Variants in HVCN1 observed in about 807,000 individuals in gnomAD.
HVCN1 encodes voltage-gated hydrogen channel 1.
A neutral mutation model predicts 29.2 loss-of-function variants in HVCN1; 14 were observed. The ratio of observed to expected loss-of-function variants is 0.48; its 90% CI spans 0.32 to 0.75. The LOEUF (loss-of-function observed/expected upper bound fraction) is 0.75. Ranked by LOEUF, HVCN1 falls within the 30% of genes least tolerant of loss-of-function variation. The pLI is 0.04. For missense variants in HVCN1, 263 were observed against 341.8 expected, an observed-to-expected ratio of 0.77 and a Z score of 1.82; for synonymous variants, 131 against 133.2, an observed-to-expected ratio of 0.98 and a Z score of 0.11.
At chr12:110,687,267 C>T (rs536140606) in intron 2 of HVCN1, among the ~76,000 whole-genome samples, 1 of 150,436 alleles carries the variant, frequency 6.6e-6, no homozygotes, top group Non-Finnish European at 1.5e-5. Flanking sequence ...ACCCCCCCCC[C>T]CCAGCTAAGC....
At chr12:110,660,800 G>A (rs575843579) in intron 4 of HVCN1, among the ~76,000 whole-genome samples, 21 of 152,306 alleles carry the variant, frequency 1.4e-4, no homozygotes, top group African/African-American at 5.1e-4. Flanking sequence ...GGCCTTTTGT[G>A]TCTGGCTTCT....
chr12:110,663,412 C>T (rs112840554), intron 3 of HVCN1, among the ~76,000 whole-genome samples: 3,140 of 151,258 alleles, frequency 0.021, 56 homozygotes, highest in Non-Finnish European at 0.034. Flanking sequence ...GACCAGCCTG[C>T]GCAATAAGGC....
At chr12:110,697,826 A>C (rs944185202) in intron 2 of HVCN1, among the ~76,000 whole-genome samples, 1 of 151,792 alleles carries the variant, frequency 6.6e-6, no homozygotes, top group Admixed American at 6.6e-5. Flanking sequence ...TAATTTTTGT[A>C]TTTTTAGTAG....
chr12:110,659,035 T>C (rs1193134430), intron 4 of HVCN1, among the ~76,000 whole-genome samples: 1 of 152,166 alleles, frequency 6.6e-6, no homozygotes, highest in Non-Finnish European at 1.5e-5. Context: ...AAATTGAGGG[T>C]TTGGGATTTC....
At chr12:110,702,901 G>A (rs1443849075) in intron 1 of HVCN1, among the ~76,000 whole-genome samples, 1 of 152,036 alleles carries the variant, frequency 6.6e-6, no homozygotes, top group Non-Finnish European at 1.5e-5. Context: ...TGATCTGCCC[G>A]CCTCGGCCTC....
intron 4 of HVCN1, among the ~76,000 whole-genome samples, chr12:110,655,705 GTT>G (rs150136698): frequency 1.5e-5 from 2 of 136,356 alleles, no homozygotes; most frequent in Admixed American, 7.4e-5. Flanking sequence ...CAAATAATCA[GTT>G]TTTTTTTTTT....
At chr12:110,702,736 C>A (rs907179774) in intron 1 of HVCN1, among the ~76,000 whole-genome samples, 1 of 151,834 alleles carries the variant, frequency 6.6e-6, no homozygotes, top group Non-Finnish European at 1.5e-5. Flanking sequence ...CTCACTGCAA[C>A]CTCCACCTCC....
At position 110,689,104 on chromosome 12, in the gene HVCN1, A is replaced by G. The variant is rs1411874929; in HGVS notation, c.-128T>C. The G allele has an allele frequency of 6.7e-6, 1 of 149,032 alleles. No homozygotes were observed. Among genetic ancestry groups the G allele is most frequent in the East Asian group, 2.0e-4 (1 of 5,040 alleles). The allele number at this position is 149,032 out of a possible 1,614,324, so 9.2% of individuals were successfully genotyped here. A position where few individuals can be genotyped will look rare whatever the true frequency, so the allele number is the denominator to read the frequency against. ...CCCGGCGCCCCACCCGCCCGCGGTC[A>G]CCGCTGCGACTGGGAGCCTCAGAGC... On this transcript the variant is annotated 5_prime_UTR_variant, in exon 1 of 8. Coordinates refer to ENST00000242607, the MANE Select transcript of HVCN1 (RefSeq NM_032369.4). The surrounding 1 kb of genome is among the most constrained non-coding windows in gnomAD (Gnocchi z 5.7).
At chr12:110,662,239 A>C (rs950017430) in intron 3 of HVCN1, among the ~76,000 whole-genome samples, 5 of 152,174 alleles carry the variant, frequency 3.3e-5, no homozygotes, top group African/African-American at 1.2e-4. Context: ...CAATAGGAAA[A>C]AAAAATCCAT....
At chr12:110,691,413 T>G (rs2069404786), upstream of HVCN1, among the ~76,000 whole-genome samples, 1 of 152,320 alleles carries the variant, frequency 6.6e-6, no homozygotes, top group Middle Eastern at 3.4e-3. Flanking sequence ...TTCTCAGTCA[T>G]GTATTATTAC....
upstream of HVCN1, among the ~76,000 whole-genome samples, chr12:110,690,739 A>C (rs957343612): frequency 2.0e-5 from 3 of 151,486 alleles, no homozygotes; most frequent in Non-Finnish European, 4.4e-5. Context: ...TGGCCTCCGA[A>C]GGTGCTGGGA....
At chr12:110,652,001 C>G (rs1188578305) in intron 5 of HVCN1, among the ~76,000 whole-genome samples, 1 of 152,216 alleles carries the variant, frequency 6.6e-6, no homozygotes, top group Non-Finnish European at 1.5e-5. Flanking sequence ...GACCCCATCT[C>G]TAAAATAACT....
chr12:110,704,932 G>A (rs1251812208), exon 1 of HVCN1: 1 of 152,230 alleles, frequency 6.6e-6, no homozygotes, highest in Non-Finnish European at 1.5e-5. Flanking sequence ...ACCTCCAGGA[G>A]GCAGGCTGGG....
intron 5 of HVCN1, among the ~76,000 whole-genome samples, chr12:110,654,819 T>C (rs548021776): frequency 6.6e-6 from 1 of 152,112 alleles, no homozygotes; most frequent in Admixed American, 6.5e-5. Context: ...CCCTTGGAAC[T>C]GAGACAGGGT....
chr12:110,686,437 G>A (rs563504304), intron 2 of HVCN1, among the ~76,000 whole-genome samples: 1 of 152,266 alleles, frequency 6.6e-6, no homozygotes, highest in South Asian at 2.1e-4. Flanking sequence ...AGCAACTTCT[G>A]GACCCAGCAG....
chr12:110,689,574 T>C (rs2069353289), upstream of HVCN1, among the ~76,000 whole-genome samples: 1 of 152,226 alleles, frequency 6.6e-6, no homozygotes, highest in Admixed American at 6.5e-5. The surrounding 1 kb of genome is among the most constrained non-coding windows in gnomAD (Gnocchi z 5.7). Context: ...TCCTGATTCC[T>C]TGGCCTCGTC....
At chr12:110,668,746 A>C (rs2068459179) in intron 3 of HVCN1, among the ~76,000 whole-genome samples, 1 of 152,148 alleles carries the variant, frequency 6.6e-6, no homozygotes, top group South Asian at 2.1e-4. Flanking sequence ...CCATGCAAGA[A>C]TCCTTGCTGT....
At chr12:110,670,717 C>G (rs2068547179) in intron 3 of HVCN1, among the ~76,000 whole-genome samples, 1 of 152,190 alleles carries the variant, frequency 6.6e-6, no homozygotes, top group Admixed American at 6.5e-5. Flanking sequence ...GGAGAGCCAC[C>G]TGCTCAGAGG....
chr12:110,657,623 A>C (rs949164700), intron 4 of HVCN1, among the ~76,000 whole-genome samples: 1 of 152,116 alleles, frequency 6.6e-6, no homozygotes, highest in African/African-American at 2.4e-5. Flanking sequence ...TGTTATGTGA[A>C]TCTCACCTCA....
Sources: allele counts gnomAD v4.1 joint callset (sites outside exome capture counted in the v4.1 genomes callset), GRCh38; gene constraint gnomAD v4.1.1; non-coding constraint Gnocchi (gnomAD v3.1); transcripts MANE v1.5; gene names NCBI Gene and HGNC (gene_info 2026-07-23, HGNC 2026-07-21).